Variants in MTMR2 observed in about 807,000 individuals in gnomAD.
MTMR2 encodes phosphatidylinositol-3,5-bisphosphate 3-phosphatase MTMR2.
In MTMR2, 55 loss-of-function variants were observed where a neutral mutation model predicts 86.9. The observed-to-expected ratio is 0.63, with a 90% CI of 0.51 to 0.79. The LOEUF (loss-of-function observed/expected upper bound fraction) is 0.79. Ranked by LOEUF, MTMR2 falls within the 30% of genes least tolerant of loss-of-function variation. MTMR2 has a pLI of 0.00. For synonymous variants in MTMR2, 241 were observed against 266.8 expected, an observed-to-expected ratio of 0.90 and a Z score of 0.94; for missense variants, 659 against 772.3, an observed-to-expected ratio of 0.85 and a Z score of 1.74.
Position 95,833,218 on chromosome 11 carries a change from T to C in MTMR2, c.*2072A>G, listed in dbSNP as rs113055558. 3.3e-5 allele frequency: 5 copies of C among 152,030 alleles called. No homozygotes were observed. Among genetic ancestry groups the C allele is most frequent in the African/African-American group, 4.8e-5 (2 of 41,396 alleles). The allele number at this position is 152,030 out of a possible 1,614,324, so 9.4% of individuals were successfully genotyped here. On this transcript the variant is annotated 3_prime_UTR_variant, in exon 15 of 15. Transcript: ENST00000346299. ...GGCAATTGTGAACAGCAGAGTAGCA[T>C]TGGTACGTAAAAGTTGAGGTATGCA... is the stretch of plus-strand genomic sequence containing the variant.
intron 2 of MTMR2, among the ~76,000 whole-genome samples, chr11:95,886,985 A>G (rs886197163): frequency 5.3e-5 from 8 of 152,200 alleles, no homozygotes; most frequent in Non-Finnish European, 8.8e-5. Context: ...TAATTAGCAT[A>G]AGATATATGC....
At chr11:95,919,246 G>A (rs1166690959) in intron 1 of MTMR2, among the ~76,000 whole-genome samples, 1 of 152,116 alleles carries the variant, frequency 6.6e-6, no homozygotes, top group African/African-American at 2.4e-5. Context: ...CAGGCTATAA[G>A]TATAATCAAA....
intron 2 of MTMR2, among the ~76,000 whole-genome samples, chr11:95,876,299 A>G (rs1865111655): frequency 6.6e-6 from 1 of 152,234 alleles, no homozygotes; most frequent in African/African-American, 2.4e-5. Flanking sequence ...GGGAACCAAG[A>G]GACCAAAGCC....
At chr11:95,911,017 T>A (rs1432386128) in intron 1 of MTMR2, among the ~76,000 whole-genome samples, 3 of 152,200 alleles carry the variant, frequency 2.0e-5, no homozygotes, top group Non-Finnish European at 4.4e-5. Context: ...TTTTTAATTA[T>A]GTTTAAAAAT....
chr11:95,904,707 A>G (rs553990), intron 1 of MTMR2, among the ~76,000 whole-genome samples: 91,857 of 152,134 alleles, frequency 0.6, 29,941 homozygotes, highest in African/African-American at 0.87. Flanking sequence ...TGGGCAAGCC[A>G]CAGCCCTTGG....
chr11:95,838,994 C>G (rs532587131), intron 12 of MTMR2, among the ~76,000 whole-genome samples: 16 of 151,964 alleles, frequency 1.1e-4, no homozygotes, highest in Non-Finnish European at 2.2e-4. Context: ...TAGGGCTGTA[C>G]GTGATAAGAA....
At chr11:95,915,308 G>A (rs1445446182) in intron 1 of MTMR2, among the ~76,000 whole-genome samples, 1 of 152,058 alleles carries the variant, frequency 6.6e-6, no homozygotes. Context: ...CTCAGCAACT[G>A]CTCATTTGCT....
chr11:95,852,717 A>C (rs1296010860), intron 7 of MTMR2, among the ~76,000 whole-genome samples: 2 of 152,142 alleles, frequency 1.3e-5, no homozygotes, highest in African/African-American at 4.8e-5. Flanking sequence ...CCAGAACTAC[A>C]GTCTTAATTA....
chr11:95,844,950 T>TAAGTAA lies in MTMR2; in HGVS notation c.1386+2_1386+3insTTACTT. Reference sequence around the variant, plus strand: ...ATATCCAAAGTCAAGGTTCCTTACTTACTAGTTGAAATCGATGTCCAAAAC... The same window carrying TAAGTAA: ...ATATCCAAAGTCAAGGTTCCTTACTTAAGTAAACTAGTTGAAATCGATGTCCAAAAC... On this transcript the variant is annotated splice_region_variant and intron_variant, in intron 11 of 14. Transcript: ENST00000346299. 1 of 1,609,134 alleles carries TAAGTAA rather than the reference T, an allele frequency of 6.2e-7. No homozygotes were observed. Among genetic ancestry groups the TAAGTAA allele is most frequent in the Non-Finnish European group, 8.5e-7 (1 of 1,175,552 alleles).
intron 1 of MTMR2, among the ~76,000 whole-genome samples, chr11:95,908,178 G>A (rs1276524464): frequency 6.6e-6 from 1 of 151,724 alleles, no homozygotes; most frequent in Non-Finnish European, 1.5e-5. Context: ...ATGAAAGTCA[G>A]TAGTATTTCT....
intron 1 of MTMR2, among the ~76,000 whole-genome samples, chr11:95,894,271 T>C (rs1426423371): frequency 2.0e-5 from 3 of 152,190 alleles, no homozygotes; most frequent in Non-Finnish European, 4.4e-5. Flanking sequence ...TGTAACATTA[T>C]ATTGCATTTA....
At chr11:95,866,102 G>A (rs1380021844) in intron 2 of MTMR2, among the ~76,000 whole-genome samples, 1 of 152,196 alleles carries the variant, frequency 6.6e-6, no homozygotes, top group Non-Finnish European at 1.5e-5. Flanking sequence ...AAGGGCCATA[G>A]TACATTTAAA....
intron 2 of MTMR2, among the ~76,000 whole-genome samples, chr11:95,869,337 G>A (rs929646235): frequency 2.6e-5 from 4 of 151,892 alleles, no homozygotes; most frequent in South Asian, 2.1e-4. Flanking sequence ...ATCATAGGTC[G>A]AGGAGCATCT....
rs1864484692 is a variant in MTMR2, at chr11:95,863,127, T to G, written c.263-761A>C. ...GCCACAGTTCATAATTTCCAATACA[T>G]GGTTTTTATATCTTAAAATATTCAT... is the stretch of plus-strand genomic sequence containing the variant. On this transcript the variant is annotated intron_variant, in intron 3 of 14. Transcript: ENST00000346299. 5.3e-5 allele frequency among the ~76,000 whole-genome samples: 8 copies of G among 152,336 alleles called. 1 individual carries two copies. In the South Asian group the frequency reaches 1.7e-3, roughly 32 times the overall value.
rs1863944582 is a variant in MTMR2 at position 95,849,801 on chromosome 11, A to G, written c.866T>C (p.Val289Ala). The change falls in exon 9 of 15, where the codon GTT becomes GCT. Residue 289 changes from valine (V) to alanine (A), a missense_variant. This residue lies in a region of MTMR2 where 387 missense variants were observed against 526.3 expected (regional missense o/e 0.74). Coordinates refer to ENST00000346299, the MANE Select transcript of MTMR2 (RefSeq NM_016156.6). Reference protein sequence around the residue: ...ATITRCSQPMVGVSGKRSKED... With the variant: ...ATITRCSQPMAGVSGKRSKED... ...TTTGCTTCGCTTTCCACTCACTCCA[A>G]CCATGGGCTGGCTACACCGAGTGAT... is the stretch of plus-strand genomic sequence containing the variant. 1.9e-6 allele frequency: 3 copies of G among 1,614,162 alleles called. No homozygotes were observed. Among genetic ancestry groups the G allele is most frequent in the South Asian group, 2.2e-5 (2 of 91,080 alleles).
At chr11:95,888,075 C>T (rs1262470175) in intron 2 of MTMR2, 81 bp downstream of exon 2, 1 of 1,053,860 alleles carries the variant, frequency 9.5e-7, no homozygotes, top group Non-Finnish European at 1.4e-6. Flanking sequence ...GTATCTCCTG[C>T]TAAATTAGTT....
At chr11:95,915,379 A>G (rs1866660187) in intron 1 of MTMR2, among the ~76,000 whole-genome samples, 1 of 152,174 alleles carries the variant, frequency 6.6e-6, no homozygotes, top group South Asian at 2.1e-4. Flanking sequence ...CTTAATGTCT[A>G]TTAAATCCTC....
At chr11:95,914,131 A>G (rs777568825) in intron 1 of MTMR2, 106 of 932,214 alleles carry the variant, frequency 1.1e-4, no homozygotes, top group Non-Finnish European at 1.3e-4. Flanking sequence ...GTTTGAAACT[A>G]CTTGTTACTC....
intron 13 of MTMR2, among the ~76,000 whole-genome samples, chr11:95,837,050 C>G (rs1863317138): frequency 6.6e-6 from 1 of 151,928 alleles, no homozygotes. Context: ...CCCCAAGGCT[C>G]TCAAAAAATA....
Sources: gnomAD v4.1 joint callset for allele counts (sites outside exome capture counted in the v4.1 genomes callset) on GRCh38, gnomAD v4.1.1 for gene constraint, gnomAD v4.1.1 regional missense constraint, MANE v1.5 for transcripts, NCBI Gene and HGNC (gene_info 2026-07-23, HGNC 2026-07-21) for gene names.